The following TNFRSF10D variants were observed in gnomAD, a reference collection of about 807,000 sequenced individuals.
TNFRSF10D encodes tumor necrosis factor receptor superfamily member 10D.
In TNFRSF10D, 28 loss-of-function variants were observed where a neutral mutation model predicts 42.1. That is an observed-to-expected ratio of 0.66 (90% CI 0.49 to 0.91). The LOEUF (loss-of-function observed/expected upper bound fraction) is 0.91, where lower values mean the gene tolerates loss of function less well. TNFRSF10D is among the 40% of genes least tolerant of loss of function. The pLI is 0.00. For synonymous variants in TNFRSF10D, 186 were observed against 189.4 expected (o/e 0.98, Z 0.15); for missense variants, 503 against 486.1 (o/e 1.03, Z -0.33).
At chr8:23,147,592 C>A (rs1395881822) in intron 3 of TNFRSF10D, among the ~76,000 whole-genome samples, 2 of 152,154 alleles carry the variant, frequency 1.3e-5, no homozygotes, top group African/African-American at 4.8e-5. Flanking sequence ...CGGCTGCAGG[C>A]AATAGTTTAG....
At position 23,163,177 on chromosome 8, in the gene TNFRSF10D, G is replaced by A. The variant is rs151114645; in HGVS notation, c.150+609C>T. Among the ~76,000 whole-genome samples the A allele has an allele frequency of 2.8e-3, 381 of 137,366 alleles. 2 individuals carry two copies. The highest frequency in any genetic ancestry group is 9.6e-3 in the African/African-American group (352 of 36,620). 90.1% of individuals were successfully genotyped at this position (137,366 alleles called of 152,430 possible). On this transcript the variant is annotated intron_variant, in intron 1 of 8. Transcript: ENST00000312584. ...TGCGATGGCGCGATCTCGGCTCACT[G>A]CAACCTCCGCCTCCCGGATTCAAGT...
chr8:23,152,513 A>G (rs904700350), intron 2 of TNFRSF10D, among the ~76,000 whole-genome samples: 4 of 152,206 alleles, frequency 2.6e-5, no homozygotes, highest in Non-Finnish European at 4.4e-5. Context: ...GGGGTCAGGG[A>G]GATGATGAAC....
intron 3 of TNFRSF10D, among the ~76,000 whole-genome samples, chr8:23,147,659 G>A (rs747824536): frequency 7.2e-5 from 11 of 152,290 alleles, no homozygotes; most frequent in East Asian, 1.9e-4. Flanking sequence ...AGGCGCAGTG[G>A]CTCACACCTG....
intron 1 of TNFRSF10D, among the ~76,000 whole-genome samples, chr8:23,162,207 T>C (rs4872065): frequency 0.17 from 26,362 of 151,780 alleles, 2,971 homozygotes; most frequent in East Asian, 0.58. Context: ...TAAGGCAAGA[T>C]TGATGGAGGG....
In TNFRSF10D at chr8:23,144,517, T is replaced by C. The variant is rs61755337; in HGVS notation, c.887A>G (p.Gln296Arg). 2.7e-3 allele frequency: 4,287 copies of C among 1,613,984 alleles called. 25 individuals are homozygous for C. In the African/African-American group the frequency reaches 0.037, roughly 14 times the overall value. ...TGTTAGCTCTGCCAGCTCCTGACCT[T>C]GGATTTCCTGCTCAGAGACCTGGGT... ...QPTQVSEQEI[Q>R]GQELAELTGV... is the part of the protein sequence containing the mutation. Residue 296 changes from glutamine (Q) to arginine (R), a missense_variant, in exon 7 of 9, where the codon CAA (glutamine) becomes CGA (arginine). Coordinates refer to ENST00000312584, the MANE Select transcript of TNFRSF10D (RefSeq NM_003840.5).
chr8:23,146,321 G>A (rs186788678), intron 4 of TNFRSF10D, among the ~76,000 whole-genome samples: 6 of 152,158 alleles, frequency 3.9e-5, no homozygotes, highest in Non-Finnish European at 7.3e-5. Context: ...CCTGTCTGCC[G>A]CTGGTTCCTC....
chr8:23,148,925 T>C (rs1426779713), intron 2 of TNFRSF10D, among the ~76,000 whole-genome samples: 1 of 151,648 alleles, frequency 6.6e-6, no homozygotes, highest in Non-Finnish European at 1.5e-5. Flanking sequence ...GCACGGTGGC[T>C]CACGCCTGTA....
intron 1 of TNFRSF10D, among the ~76,000 whole-genome samples, chr8:23,157,874 C>T (rs375771319): frequency 5.9e-5 from 9 of 152,268 alleles, no homozygotes; most frequent in African/African-American, 1.2e-4. Context: ...CAGTGTTGGG[C>T]GACCATCAGG....
At chr8:23,148,168 G>A (rs1180493387) in intron 3 of TNFRSF10D, among the ~76,000 whole-genome samples, 1 of 151,452 alleles carries the variant, frequency 6.6e-6, no homozygotes, top group Non-Finnish European at 1.5e-5. Context: ...AAACCTGGGA[G>A]GCAGAGGTTG....
rs1800275230 is a variant in TNFRSF10D at position 23,156,016 on chromosome 8, CA to C, written c.151-1038del. 2.6e-5 allele frequency among the ~76,000 whole-genome samples: 4 copies of C among 152,090 alleles called. No homozygotes were observed. The South Asian group carries it at 8.3e-4, about 32-fold the overall frequency. On this transcript the variant is annotated intron_variant, in intron 1 of 8. Transcript: ENST00000312584. ...GACAGAAAAAGATAAAACAGCAATT[CA>C]GGGATTATGGCCATGATCTCTGTGT...
At chr8:23,140,628 C>T (rs1489932397) in intron 7 of TNFRSF10D, among the ~76,000 whole-genome samples, 1 of 152,182 alleles carries the variant, frequency 6.6e-6, no homozygotes, top group Admixed American at 6.5e-5. Flanking sequence ...TCATTTTCCA[C>T]AGAATTGGAA....
In TNFRSF10D at chr8:23,163,890, C is replaced by A. The variant is rs745897956; in HGVS notation, c.46G>T (p.Ala16Ser). 2 of 1,594,984 alleles carry A rather than the reference C, an allele frequency of 1.3e-6. No individual in the cohort carries two copies. Among genetic ancestry groups the A allele is most frequent in the East Asian group, 2.4e-5 (1 of 42,526 alleles). Reference protein sequence around the residue: ...QSVPTASSARAGRYPGARTAS... With the variant: ...QSVPTASSARSGRYPGARTAS... ...GTCCTGGCTCCTGGATAGCGCCCTG[C>A]TCGAGCGCTCGAGGCGGTCGGGACG... Residue 16 changes from alanine (A) to serine (S), a missense_variant, in exon 1 of 9, where the codon GCA becomes TCA. By Grantham distance (99) the Ala-to-Ser change is moderately conservative. Transcript: ENST00000312584.
Position 23,163,996 on chromosome 8 carries a change from TGTGCGC to T in TNFRSF10D, c.-67_-62del, listed in dbSNP as rs1800415776. 1 of 1,491,922 alleles carries T rather than the reference TGTGCGC, an allele frequency of 6.7e-7. No individual in the cohort carries two copies. The highest frequency in any genetic ancestry group is 2.6e-5 in the Admixed American group (1 of 38,522). The allele number at this position is 1,491,922 out of a possible 1,614,324, so 92.4% of individuals were successfully genotyped here. ...TCAATCAGAAATCGTCCCCGTAGTT[TGTGCGC>T]GTGCAAAGGTTCTCGCAGCTACACT... is the stretch of plus-strand genomic sequence containing the variant. On this transcript the variant is annotated 5_prime_UTR_variant, in exon 1 of 9. Coordinates refer to ENST00000312584, the MANE Select transcript of TNFRSF10D (RefSeq NM_003840.5).
chr8:23,155,383 G>A (rs1194735514), intron 1 of TNFRSF10D, among the ~76,000 whole-genome samples: 438 of 151,030 alleles, frequency 2.9e-3, no homozygotes, highest in African/African-American at 9.3e-3. Context: ...AGCAAGTTGG[G>A]TAACAGGAAC....
At chr8:23,154,262 TAGAC>T (rs1282747344) in intron 2 of TNFRSF10D, among the ~76,000 whole-genome samples, 1 of 152,180 alleles carries the variant, frequency 6.6e-6, no homozygotes, top group Admixed American at 6.5e-5. Flanking sequence ...AAATTTCAGT[TAGAC>T]AGGGGGAAAT....
chr8:23,140,353 T>C (rs142925448), intron 7 of TNFRSF10D, among the ~76,000 whole-genome samples: 7 of 145,414 alleles, frequency 4.8e-5, no homozygotes, highest in Non-Finnish European at 6.0e-5. Flanking sequence ...ACCAAATCAA[T>C]AACACAATCC....
At chr8:23,153,996 A>C in intron 2 of TNFRSF10D, among the ~76,000 whole-genome samples, 1 of 152,240 alleles carries the variant, frequency 6.6e-6, no homozygotes, top group East Asian at 1.9e-4. Context: ...TGAAAAGGTA[A>C]AGAAAATGTA....
chr8:23,142,662 GGA>G (rs751333133), intron 7 of TNFRSF10D, among the ~76,000 whole-genome samples: 2 of 151,906 alleles, frequency 1.3e-5, no homozygotes, highest in Non-Finnish European at 2.9e-5. Flanking sequence ...CCCACAACCT[GGA>G]TAAAATCATT....
intron 2 of TNFRSF10D, among the ~76,000 whole-genome samples, chr8:23,150,745 C>G (rs1021526631): frequency 6.6e-6 from 1 of 151,806 alleles, no homozygotes; most frequent in African/African-American, 2.4e-5. Flanking sequence ...AAATTAACAA[C>G]AACACAATAT....
Sources: gnomAD v4.1 joint callset for allele counts (sites outside exome capture counted in the v4.1 genomes callset) on GRCh38, gnomAD v4.1.1 for gene constraint, MANE v1.5 for transcripts, NCBI Gene and HGNC (gene_info 2026-07-23, HGNC 2026-07-21) for gene names.